The following CPT2 variants were observed in gnomAD, a reference collection of about 807,000 sequenced individuals.
CPT2 encodes the protein carnitine O-palmitoyltransferase 2, mitochondrial.
Under a neutral mutation model 48.6 loss-of-function variants are expected in CPT2, and 37 were observed. The observed-to-expected ratio is 0.76, with a 90% CI of 0.59 to 1.00. The LOEUF (loss-of-function observed/expected upper bound fraction) is 1.00, where lower values mean the gene tolerates loss of function less well. Ranked by LOEUF, CPT2 falls within the 50% of genes least tolerant of loss-of-function variation. CPT2 has a pLI of 0.00. For missense variants in CPT2, 772 were observed against 825.6 expected, an observed-to-expected ratio of 0.94 and a Z score of 0.80; for synonymous variants, 319 against 326.9, an observed-to-expected ratio of 0.98 and a Z score of 0.26.
chr1:53,210,374 C>T lies in CPT2; in HGVS notation c.700C>T (p.Leu234Phe), dbSNP rs1645414909. 6.2e-7 allele frequency: 1 copy of T among 1,614,018 alleles called. No homozygotes were observed. Among genetic ancestry groups the T allele is most frequent in the Non-Finnish European group, 8.5e-7 (1 of 1,180,056 alleles). ...TRLPKPSRDE[L>F]FTDDKARHLL... ...TTTACCCAAACCCAGTCGGGATGAA[C>T]TCTTCACTGATGACAAGGCCAGACA... The change falls in exon 4 of 5, where the codon CTC (leucine) becomes TTC (phenylalanine). Residue 234 changes from leucine to phenylalanine, a missense_variant. Leu to Phe is a conservative substitution (Grantham distance 22). Transcript: ENST00000371486.
intron 3 of CPT2, chr1:53,202,901 T>G (rs751830881): frequency 7.3e-5 from 13 of 177,786 alleles, no homozygotes; most frequent in Non-Finnish European, 1.2e-4. Context: ...TGGCAAATTC[T>G]TCTTTTAAGA....
At chr1:53,204,392 T>G (rs1300846121) in intron 3 of CPT2, 1 of 152,124 alleles carries the variant, frequency 6.6e-6, no homozygotes, top group Non-Finnish European at 1.5e-5. Context: ...CAAGCTCTTT[T>G]TTCTTCTTAT....
intron 4 of CPT2, chr1:53,212,786 A>G (rs949835670): frequency 1.7e-5 from 7 of 413,468 alleles, no homozygotes; most frequent in African/African-American, 1.4e-4. Context: ...TATAGGGAGA[A>G]AACCAAGCCA....
Position 53,210,085 on chromosome 1 carries a change from C to T in CPT2, c.411C>T (p.Phe137=). The change falls in exon 4 of 5, where the codon TTC becomes TTT. Residue 137 remains phenylalanine (F), a synonymous_variant. Coordinates refer to ENST00000371486, the MANE Select transcript of CPT2 (RefSeq NM_000098.3). ...TGAACTTTAATCCATTTATGGCTTT[C>T]AATCCTGACCCAAAATCTGAGTATA... ...VVLNFNPFMA[F]NPDPKSEYND... The T allele has an allele frequency of 1.2e-6, 2 of 1,614,094 alleles. No homozygotes were observed. The highest frequency in any genetic ancestry group is 2.2e-5 in the South Asian group (2 of 91,084).
chr1:53,211,570 C>T (rs1260598376), intron 4 of CPT2: 1 of 519,338 alleles, frequency 1.9e-6, no homozygotes, highest in African/African-American at 2.0e-5. Flanking sequence ...AGGTCACTTT[C>T]AGCTGTGACG....
intron 3 of CPT2, among the ~76,000 whole-genome samples, chr1:53,205,001 T>C (rs1407863589): frequency 6.6e-6 from 1 of 152,120 alleles, no homozygotes; most frequent in Non-Finnish European, 1.5e-5. Flanking sequence ...TGGACTAATA[T>C]AGAAAACTGG....
chr1:53,213,385 G>A lies in CPT2; in HGVS notation c.1767G>A (p.Thr589=), dbSNP rs77565483. 5,314 of 1,614,210 alleles carry A rather than the reference G, an allele frequency of 3.3e-3. 45 individuals are homozygous for A. Among genetic ancestry groups the A allele is most frequent in the African/African-American group, 0.025 (1,867 of 75,044 alleles). ...YGQINHNVLS[T]STLSSPAVNL... Reference sequence around the variant, plus strand: ...AGATAAACCACAATGTCCTGTCCACGAGCACACTGAGCAGCCCAGCAGTGA... The same window carrying A: ...AGATAAACCACAATGTCCTGTCCACAAGCACACTGAGCAGCCCAGCAGTGA... The change falls in exon 5 of 5, where the codon ACG becomes ACA. Residue 589 remains threonine, a synonymous_variant. Coordinates refer to ENST00000371486, the MANE Select transcript of CPT2 (RefSeq NM_000098.3).
intron 3 of CPT2, chr1:53,203,602 G>A (rs577246929): frequency 2.0e-5 from 3 of 152,050 alleles, no homozygotes; most frequent in South Asian, 4.1e-4. Context: ...TCTTCTTGAC[G>A]AAACTTCTTC....
chr1:53,205,944 A>T (rs1335021213), intron 3 of CPT2, among the ~76,000 whole-genome samples: 2 of 152,194 alleles, frequency 1.3e-5, no homozygotes, highest in African/African-American at 4.8e-5. Flanking sequence ...GCACTTTGGG[A>T]GGCCAAGGCG....
intron 3 of CPT2, chr1:53,207,455 GTTTTA>G (rs1183357756): frequency 3.3e-5 from 5 of 152,102 alleles, no homozygotes; most frequent in African/African-American, 4.8e-5. Context: ...AGGTCTCCCA[GTTTTA>G]TTTTATTTAT....
chr1:53,202,698 G>A (rs776396536), intron 3 of CPT2: 1 of 483,536 alleles, frequency 2.1e-6, no homozygotes, highest in East Asian at 4.0e-5. Context: ...TGTCTGAAAA[G>A]GATGCAGGAT....
chr1:53,205,825 A>G (rs1343502268), intron 3 of CPT2, among the ~76,000 whole-genome samples: 1 of 152,230 alleles, frequency 6.6e-6, no homozygotes, highest in Non-Finnish European at 1.5e-5. Context: ...GCAAGCCCCA[A>G]GCATTGGAGG....
chr1:53,214,054 G>C lies in CPT2; in HGVS notation c.*459G>C, dbSNP rs1289676811. On this transcript the variant is annotated 3_prime_UTR_variant, in exon 5 of 5. Transcript: ENST00000371486. ...TAAATTCATGGTTTTAAAGCTAAACGTAATTTCCACTTGGGACTAGATCAC... is the reference window on the plus strand; with the variant it reads ...TAAATTCATGGTTTTAAAGCTAAACCTAATTTCCACTTGGGACTAGATCAC... 2.7e-5 allele frequency: 5 copies of C among 182,434 alleles called. No individual in the cohort carries two copies. The highest frequency in any genetic ancestry group is 9.5e-5 in the African/African-American group (4 of 41,886). The allele number at this position is 182,434 out of a possible 1,614,324, so 11.3% of individuals were successfully genotyped here.
intron 1 of CPT2, chr1:53,200,412 T>C (rs924946098): frequency 2.1e-5 from 7 of 335,174 alleles, no homozygotes; most frequent in Admixed American, 4.1e-5. Context: ...ACAGGTGTTA[T>C]CATTGTGACC....
At chr1:53,203,497 T>A (rs1645366728) in intron 3 of CPT2, 1 of 152,252 alleles carries the variant, frequency 6.6e-6, no homozygotes, top group Non-Finnish European at 1.5e-5. Context: ...TGTTTAGTTT[T>A]CTATGTGCTT....
intron 1 of CPT2, 55 bp downstream of exon 1, chr1:53,197,150 A>G (rs1028923646): frequency 3.3e-6 from 5 of 1,532,854 alleles, no homozygotes; most frequent in East Asian, 4.9e-5. Flanking sequence ...ATCGGCCCCA[A>G]CCTGACTGCA....
In CPT2 at chr1:53,210,707, G is replaced by T. The variant is rs771214714; in HGVS notation, c.1033G>T (p.Gly345Trp). ...CCACTTGTCCCACAATATGCTGCAT[G>T]GGGATGGCACAAACCGCTGGTTTGA... is the stretch of plus-strand genomic sequence containing the variant. ...LVHLSHNMLH[G>W]DGTNRWFDKS... The change falls in exon 4 of 5, where the codon GGG (glycine) becomes TGG (tryptophan). Residue 345 changes from glycine to tryptophan, a missense_variant. Coordinates refer to ENST00000371486, the MANE Select transcript of CPT2 (RefSeq NM_000098.3). 3 of 1,614,068 alleles carry T rather than the reference G, an allele frequency of 1.9e-6. No individual in the cohort carries two copies. Among genetic ancestry groups the T allele is most frequent in the Non-Finnish European group, 1.7e-6 (2 of 1,180,040 alleles).
In CPT2 at chr1:53,197,052, C is replaced by T. The variant is rs1645327746; in HGVS notation, c.109C>T (p.Arg37Cys). The change falls in exon 1 of 5, where the codon CGC becomes TGC. Residue 37 changes from arginine (R) to cysteine (C), a missense_variant. By Grantham distance (180) the Arg-to-Cys change is radical. Coordinates refer to ENST00000371486, the MANE Select transcript of CPT2 (RefSeq NM_000098.3). ...CTCCGGGCCCGGCCAGTACCTGCAG[C>T]GCAGCATCGTGCCCACCATGCACTA... ...AGSGPGQYLQ[R>C]SIVPTMHYQD... 1.3e-6 allele frequency: 2 copies of T among 1,539,124 alleles called. No individual in the cohort carries two copies. The highest frequency in any genetic ancestry group is 1.7e-6 in the Non-Finnish European group (2 of 1,146,430).
At chr1:53,209,913 T>A (rs1420847566) in intron 3 of CPT2, 102 bp from the exon 4 acceptor site, 1 of 949,440 alleles carries the variant, frequency 1.1e-6, no homozygotes, top group African/African-American at 1.7e-5. Context: ...TGGAGGTTGA[T>A]GCCATTTCCT....
Sources: gnomAD v4.1 joint callset for allele counts (sites outside exome capture counted in the v4.1 genomes callset) on GRCh38, gnomAD v4.1.1 for gene constraint, MANE v1.5 for transcripts, NCBI Gene and HGNC (gene_info 2026-07-23, HGNC 2026-07-21) for gene names.